DHRS3: variants seen among roughly 807,000 people sequenced by gnomAD.
The protein encoded by DHRS3 is dehydrogenase/reductase 3.
In DHRS3, 14 loss-of-function variants were observed where a neutral mutation model predicts 27.2. The observed-to-expected ratio is 0.52, with a 90% CI of 0.34 to 0.81. The LOEUF is 0.81. DHRS3 is among the 30% of genes least tolerant of loss of function. The probability of loss-of-function intolerance (pLI) is 0.01; values close to 1 mark genes in which losing one functional copy is unlikely to be tolerated. For missense variants in DHRS3, 322 were observed against 406.2 expected (o/e 0.79, Z 1.78); for synonymous variants, 165 against 175.9 (o/e 0.94, Z 0.49).
At chr1:12,606,205 G>A (rs888660545) in intron 1 of DHRS3, among the ~76,000 whole-genome samples, 1 of 147,738 alleles carries the variant, frequency 6.8e-6, no homozygotes, top group Non-Finnish European at 1.5e-5. Flanking sequence ...GAAGGGATGA[G>A]ATGATGTTGA....
chr1:12,608,996 T>C lies in DHRS3; in HGVS notation c.195+8158A>G, dbSNP rs527658050. Among the ~76,000 whole-genome samples, 1 of 152,344 alleles carries C rather than the reference T, an allele frequency of 6.6e-6. No individual in the cohort carries two copies. The highest frequency in any genetic ancestry group is 1.5e-5 in the Non-Finnish European group (1 of 68,028). On this transcript the variant is annotated intron_variant, in intron 1 of 5. Coordinates refer to ENST00000616661, the MANE Select transcript of DHRS3 (RefSeq NM_004753.7). This position sits in a 1 kb window ranked among gnomAD's most constrained non-coding sequence, Gnocchi z 4.1. ...GGCCCTGTCAAAGTGCTGGCCCACA[T>C]GGACACAATACCCCAGAAGTCGTTT... is the stretch of plus-strand genomic sequence containing the variant.
Position 12,579,319 on chromosome 1 carries a change from G to T in DHRS3, c.433C>A (p.His145Asn), listed in dbSNP as rs747476191. 9 of 1,614,190 alleles carry T rather than the reference G, an allele frequency of 5.6e-6. 1 individual carries two copies. The South Asian group carries it at 9.9e-5, about 18-fold the overall frequency. Residue 145 changes from histidine to asparagine, a missense_variant, in exon 3 of 6, where the codon CAC becomes AAC. Coordinates refer to ENST00000616661, the MANE Select transcript of DHRS3 (RefSeq NM_004753.7). ...CAGAACTGGCCCAGGGTGTTGATGT[G>T]TTGGGACTTGAGGAGGGCATCATCA... ...SDDDALLKSQ[H>N]INTLGQFWTT...
At chr1:12,575,144 C>T (rs1032381001) in intron 4 of DHRS3, among the ~76,000 whole-genome samples, 13 of 151,910 alleles carry the variant, frequency 8.6e-5, no homozygotes, top group Non-Finnish European at 1.6e-4. Flanking sequence ...CTGGGCAACA[C>T]GGCGAAACAC....
rs1646956401 is a variant in DHRS3 at position 12,617,857 on chromosome 1, C to CCCCCCA, written c.-510_-509insTGGGGG. On this transcript the variant is annotated 5_prime_UTR_variant, in exon 1 of 6. Coordinates refer to ENST00000616661, the MANE Select transcript of DHRS3 (RefSeq NM_004753.7). Reference sequence around the variant, plus strand: ...AGCGCCCCCACCCCCACCCCGTCTCCAGAAAAAAAAAAAAAAAAAAAGTGG... The same window carrying CCCCCCA: ...AGCGCCCCCACCCCCACCCCGTCTCCCCCCCAAGAAAAAAAAAAAAAAAAAAAGTGG... 1.8e-5 allele frequency: 1 copy of CCCCCCA among 57,088 alleles called. No homozygotes were observed. Among genetic ancestry groups the CCCCCCA allele is most frequent in the Non-Finnish European group, 3.3e-5 (1 of 29,950 alleles). The allele number at this position is 57,088 out of a possible 1,614,324, so 3.5% of individuals were successfully genotyped here.
At chr1:12,607,839 TTGTGTATATGTGTGTG>T (rs1389643498) in intron 1 of DHRS3, among the ~76,000 whole-genome samples, 2 of 139,522 alleles carry the variant, frequency 1.4e-5, no homozygotes, top group Non-Finnish European at 3.3e-5. Context: ...ATATATATAT[TTGTGTATATGTGTGTG>T]TGTGTATGTG....
intron 4 of DHRS3, among the ~76,000 whole-genome samples, chr1:12,573,881 G>A (rs1381709111): frequency 6.6e-6 from 1 of 152,182 alleles, no homozygotes; most frequent in East Asian, 1.9e-4. Flanking sequence ...TCAGTAGGGC[G>A]CTAAGGATTC....
intron 1 of DHRS3, among the ~76,000 whole-genome samples, chr1:12,600,824 C>A (rs995870809): frequency 2.0e-5 from 3 of 152,200 alleles, no homozygotes; most frequent in Non-Finnish European, 4.4e-5. Context: ...ATCTCTCTAT[C>A]TATCGTCTAG....
chr1:12,605,170 C>T lies in DHRS3; in HGVS notation c.195+11984G>A, dbSNP rs559231904. 3.1e-4 allele frequency among the ~76,000 whole-genome samples: 47 copies of T among 151,730 alleles called. 1 individual carries two copies. The highest frequency in any genetic ancestry group is 4.6e-4 in the African/African-American group (19 of 41,392). On this transcript the variant is annotated intron_variant, in intron 1 of 5. Coordinates refer to ENST00000616661, the MANE Select transcript of DHRS3 (RefSeq NM_004753.7). ...AGTACCAAGTCACGTGTGTTACCAT[C>T]GTCACACACATTGTCACAGTCATGT...
At chr1:12,576,357 T>C (rs1044536932) in intron 4 of DHRS3, among the ~76,000 whole-genome samples, 2 of 151,836 alleles carry the variant, frequency 1.3e-5, no homozygotes, top group Admixed American at 6.6e-5. Flanking sequence ...GGTCAGGAGA[T>C]TGAGACCATC....
chr1:12,575,663 C>T (rs1254694980), intron 4 of DHRS3, among the ~76,000 whole-genome samples: 1 of 152,106 alleles, frequency 6.6e-6, no homozygotes, highest in Non-Finnish European at 1.5e-5. Flanking sequence ...GACTCACACA[C>T]AGGAGCTCAT....
At position 12,571,471 on chromosome 1, in the gene DHRS3, T is replaced by A. The variant is rs115731707; in HGVS notation, c.824+1257A>T. ...GGCTGTAGAACAGTGGTTCTCAAAG[T>A]GAGGTCCAGGAACCTTTGGGGTACC... On this transcript the variant is annotated intron_variant, in intron 5 of 5. Coordinates refer to ENST00000616661, the MANE Select transcript of DHRS3 (RefSeq NM_004753.7). 2.4e-3 allele frequency among the ~76,000 whole-genome samples: 370 copies of A among 151,544 alleles called. 1 individual carries two copies. Among genetic ancestry groups the A allele is most frequent in the Non-Finnish European group, 4.3e-3 (295 of 67,946 alleles).
rs1646748960 is a variant in DHRS3, at chr1:12,591,776, C to A, written c.196-11110G>T. Among the ~76,000 whole-genome samples, 1 of 152,220 alleles carries A rather than the reference C, an allele frequency of 6.6e-6. No homozygotes were observed. The highest frequency in any genetic ancestry group is 1.5e-5 in the Non-Finnish European group (1 of 68,032). ...TCTGTGCCCTTGGCCACTGACTTTA[C>A]CTGCGGGAGCAAAATGACCCCACGA... On this transcript the variant is annotated intron_variant, in intron 1 of 5. Transcript: ENST00000616661. The surrounding 1 kb of genome is among the most constrained non-coding windows in gnomAD (Gnocchi z 4.1).
At chr1:12,595,577 C>T (rs1479148421) in intron 1 of DHRS3, among the ~76,000 whole-genome samples, 3 of 140,786 alleles carry the variant, frequency 2.1e-5, no homozygotes, top group African/African-American at 8.1e-5. Flanking sequence ...GACTGGAGGG[C>T]GACTGGGTGG....
intron 1 of DHRS3, chr1:12,600,275 G>T (rs1437129279): frequency 1.2e-6 from 1 of 848,828 alleles, no homozygotes; most frequent in Admixed American, 6.2e-5. Context: ...GAAGGCTCAG[G>T]AGATATCCCC....
At chr1:12,579,075 T>C in intron 3 of DHRS3, 119 bp from the exon 4 acceptor site, 1 of 1,253,288 alleles carries the variant, frequency 8.0e-7, no homozygotes, top group East Asian at 2.5e-5. Context: ...CGAGCCTTCC[T>C]GCGAGGGAGA....
chr1:12,590,208 G>A (rs1474111986), intron 1 of DHRS3, among the ~76,000 whole-genome samples: 6 of 152,134 alleles, frequency 3.9e-5, no homozygotes, highest in African/African-American at 1.4e-4. Context: ...GGAGCCTCTG[G>A]AGGTGCTGAG....
intron 5 of DHRS3, among the ~76,000 whole-genome samples, chr1:12,572,376 T>G (rs1377537043): frequency 1.3e-5 from 2 of 152,138 alleles, no homozygotes; most frequent in Non-Finnish European, 2.9e-5. Context: ...TTCGCCATTT[T>G]AGCCAGGATG....
In DHRS3 at chr1:12,601,873, C is replaced by T. The variant is rs562430412; in HGVS notation, c.195+15281G>A. ...CTTCGAGTAGTAAATGACCTTGTGA[C>T]GTGTCAGGGCTTAGAACAGTCCCTG... is the stretch of plus-strand genomic sequence containing the variant. On this transcript the variant is annotated intron_variant, in intron 1 of 5. Coordinates refer to ENST00000616661, the MANE Select transcript of DHRS3 (RefSeq NM_004753.7). Among the ~76,000 whole-genome samples, 85 of 152,296 alleles carry T rather than the reference C, an allele frequency of 5.6e-4. 2 individuals carry two copies. The highest frequency in any genetic ancestry group is 9.8e-4 in the Non-Finnish European group (67 of 68,028).
rs1646564782 is a variant in DHRS3, at chr1:12,574,117, A to C, written c.699-1264T>G. 6.6e-6 allele frequency among the ~76,000 whole-genome samples: 1 copy of C among 152,208 alleles called. No homozygotes were observed. Among genetic ancestry groups the C allele is most frequent in the African/African-American group, 2.4e-5 (1 of 41,454 alleles). On this transcript the variant is annotated intron_variant, in intron 4 of 5. Transcript: ENST00000616661. This position sits in a 1 kb window ranked among gnomAD's most constrained non-coding sequence, Gnocchi z 4.6. ...GCAGGGGTTTGGCCTCAGAGGGTACATGAATCTTACCCCCTGCCCTGTAAT... is the reference window on the plus strand; with the variant it reads ...GCAGGGGTTTGGCCTCAGAGGGTACCTGAATCTTACCCCCTGCCCTGTAAT...
Sources: allele counts gnomAD v4.1 joint callset (sites outside exome capture counted in the v4.1 genomes callset), GRCh38; gene constraint gnomAD v4.1.1; non-coding constraint Gnocchi (gnomAD v3.1); transcripts MANE v1.5; gene names NCBI Gene and HGNC (gene_info 2026-07-23, HGNC 2026-07-21).